CIB1: variants seen among roughly 807,000 people sequenced by gnomAD.
CIB1 encodes the protein calcium and integrin binding 1.
Under a neutral mutation model 25.0 loss-of-function variants are expected in CIB1, and 19 were observed. The observed-to-expected ratio is 0.76, with a 90% CI of 0.53 to 1.12. CIB1 has a LOEUF of 1.12. Among genes scored for constraint, CIB1 ranks in the 50% most tolerant of loss-of-function variants. The pLI is 0.00. For missense variants in CIB1, 236 were observed against 242.6 expected, an observed-to-expected ratio of 0.97 and a Z score of 0.18; for synonymous variants, 104 against 98.5, an observed-to-expected ratio of 1.06 and a Z score of -0.33.
chr15:90,258,101 G>A, the CIB1 span: 2 of 1,614,034 alleles, frequency 1.2e-6, no homozygotes, highest in African/African-American at 2.7e-5. Context: ...AGCTGTGGGG[G>A]GACATCGAGG....
At chr15:90,262,174 C>A in the CIB1 span, 8 of 1,534,416 alleles carry the variant, frequency 5.2e-6, no homozygotes. Flanking sequence ...CTTCCAAGGC[C>A]AGAGAGGAGT....
Position 90,232,275 on chromosome 15 carries a change from A to C in CIB1, c.139T>G (p.Ser47Ala), listed in dbSNP as rs1461167659. The C allele has an allele frequency of 6.2e-7, 1 of 1,612,074 alleles. No homozygotes were observed. Among genetic ancestry groups the C allele is most frequent in the South Asian group, 1.1e-5 (1 of 90,810 alleles). ...AAGGGCACTTGTGCCCGAAGTGACG[A>C]CTCCACGCTCCGCTGCTCCTGGGGA... Reference protein sequence around the residue: ...LLPQEQRSVESSLRAQVPFEQ... With the variant: ...LLPQEQRSVEASLRAQVPFEQ... Residue 47 changes from serine (S) to alanine (A), a missense_variant, in exon 3 of 7, where the codon TCG becomes GCG. By Grantham distance (99) the Ser-to-Ala change is moderately conservative (BLOSUM62 1). Coordinates refer to ENST00000328649, the MANE Select transcript of CIB1 (RefSeq NM_006384.4).
Position 90,231,034 on chromosome 15 carries a change from A to G in CIB1, c.466-12T>C. The G allele has an allele frequency of 1.2e-6, 2 of 1,613,560 alleles. No individual in the cohort carries two copies. The highest frequency in any genetic ancestry group is 1.7e-5 in the Admixed American group (1 of 60,004). On this transcript the variant is annotated splice_polypyrimidine_tract_variant and intron_variant, in intron 5 of 6. Coordinates refer to ENST00000328649, the MANE Select transcript of CIB1 (RefSeq NM_006384.4). ...GACTCCTCCAGGATCTGGGAAAGGG[A>G]GAGTTTCAGGCCAGAGCCCCAACTG... is the stretch of plus-strand genomic sequence containing the variant.
At chr15:90,265,627 C>T in the CIB1 span, 1 of 1,542,586 alleles carries the variant, frequency 6.5e-7, no homozygotes, top group Non-Finnish European at 8.9e-7. Context: ...TACCCAGCCT[C>T]CGGCCCGCCC....
the CIB1 span, among the ~76,000 whole-genome samples, chr15:90,250,379 A>T: frequency 0.28 from 41,939 of 152,092 alleles, 6,678 homozygotes; most frequent in East Asian, 0.69. Flanking sequence ...TCCAGTGTGA[A>T]CCTGGATGAT....
chr15:90,264,071 A>G, the CIB1 span: 2 of 1,498,424 alleles, frequency 1.3e-6, no homozygotes, highest in Non-Finnish European at 1.8e-6. Context: ...AAGTATGCAA[A>G]ACTAGCTTTG....
the CIB1 span, chr15:90,264,783 C>G: frequency 1.3e-6 from 2 of 1,536,124 alleles, no homozygotes; most frequent in Non-Finnish European, 8.7e-7. Flanking sequence ...GTGCCACCCA[C>G]TTTAACCCCA....
chr15:90,256,345 G>C, the CIB1 span: 3 of 1,610,970 alleles, frequency 1.9e-6, no homozygotes, highest in African/African-American at 2.7e-5. Context: ...CCCAGCACTG[G>C]GCTGCCTCAT....
chr15:90,258,533 A>G, the CIB1 span: 2 of 614,760 alleles, frequency 3.3e-6, no homozygotes. Context: ...CACACTATCT[A>G]GAGAGGCAGG....
chr15:90,256,601 C>A, the CIB1 span, among the ~76,000 whole-genome samples: 3 of 32,992 alleles, frequency 9.1e-5, no homozygotes, highest in Admixed American at 4.3e-4. Context: ...TTCTTTCTTT[C>A]TTTCTTTCCT....
the CIB1 span, among the ~76,000 whole-genome samples, chr15:90,260,670 G>GTGAA: frequency 6.6e-6 from 1 of 152,038 alleles, no homozygotes; most frequent in East Asian, 1.9e-4. Flanking sequence ...GGCCAACATG[G>GTGAA]TGAAACCCCA....
upstream of CIB1, among the ~76,000 whole-genome samples, chr15:90,234,770 C>G (rs1359898357): frequency 6.6e-6 from 1 of 152,204 alleles, no homozygotes; most frequent in Non-Finnish European, 1.5e-5. Flanking sequence ...CATCTCACCC[C>G]TAGACTGCTG....
chr15:90,230,036 T>C lies in CIB1; in HGVS notation c.*448A>G, dbSNP rs1596169139. On this transcript the variant is annotated 3_prime_UTR_variant, in exon 7 of 7. Coordinates refer to ENST00000328649, the MANE Select transcript of CIB1 (RefSeq NM_006384.4). Reference sequence around the variant, plus strand: ...ACATTTTGATGCATGCAGAGACTCATCTAACCACCACCCCAATCAGGATAC... The same window carrying C: ...ACATTTTGATGCATGCAGAGACTCACCTAACCACCACCCCAATCAGGATAC... 1 of 206,224 alleles carries C rather than the reference T, an allele frequency of 4.8e-6. No individual in the cohort carries two copies. Among genetic ancestry groups the C allele is most frequent in the South Asian group, 7.5e-5 (1 of 13,262 alleles). The allele number at this position is 206,224 out of a possible 1,614,324, so 12.8% of individuals were successfully genotyped here.
chr15:90,258,987 C>T, the CIB1 span: 2 of 1,611,864 alleles, frequency 1.2e-6, no homozygotes, highest in Non-Finnish European at 1.7e-6. Context: ...AAAAGTCCTC[C>T]TTTAGATGAA....
the CIB1 span, chr15:90,256,371 G>C: frequency 1.1e-5 from 17 of 1,590,248 alleles, no homozygotes; most frequent in East Asian, 3.8e-4. Flanking sequence ...CCAAAAGCCA[G>C]GGAGGAAGCT....
intron 2 of CIB1, 74 bp downstream of exon 2, chr15:90,233,595 C>T: frequency 3.9e-6 from 6 of 1,525,602 alleles, no homozygotes; most frequent in Non-Finnish European, 4.4e-6. Context: ...CCCCGCCCCT[C>T]CCTCGGGACA....
chr15:90,251,498 T>C, the CIB1 span: 36 of 1,512,488 alleles, frequency 2.4e-5, no homozygotes, highest in Non-Finnish European at 3.1e-5. Context: ...TCTTTTCATC[T>C]GAGTACCTGT....
the CIB1 span, among the ~76,000 whole-genome samples, chr15:90,246,751 G>A: frequency 0.072 from 8,767 of 121,948 alleles, 782 homozygotes; most frequent in East Asian, 0.45. Flanking sequence ...TTGAGCCATT[G>A]CACTCCAGCC....
chr15:90,248,244 A>G, the CIB1 span, among the ~76,000 whole-genome samples: 3 of 152,208 alleles, frequency 2.0e-5, no homozygotes, highest in Non-Finnish European at 2.9e-5. Flanking sequence ...GAAGGCTGGT[A>G]TCTTTCAAAG....
Sources: allele counts gnomAD v4.1 joint callset (sites outside exome capture counted in the v4.1 genomes callset), GRCh38; gene constraint gnomAD v4.1.1; transcripts MANE v1.5; gene names NCBI Gene and HGNC (gene_info 2026-07-23, HGNC 2026-07-21).